Variants in DCK observed in about 807,000 individuals in gnomAD.
The protein encoded by DCK is deoxyadenosine kinase.
A neutral mutation model predicts 38.3 loss-of-function variants in DCK; 23 were observed. The ratio of observed to expected loss-of-function variants is 0.60; its 90% CI spans 0.43 to 0.85. The LOEUF (loss-of-function observed/expected upper bound fraction) is 0.85. DCK is among the 40% of genes least tolerant of loss of function. The pLI, the probability that DCK is intolerant of heterozygous loss-of-function variation, is 0.00. For missense variants in DCK, 259 were observed against 304.4 expected (o/e 0.85, Z 1.11); for synonymous variants, 108 against 100.6 (o/e 1.07, Z -0.44).
At chr4:70,994,316 C>T (rs1739609913) in intron 1 of DCK, among the ~76,000 whole-genome samples, 2 of 152,230 alleles carry the variant, frequency 1.3e-5, no homozygotes, top group Non-Finnish European at 2.9e-5. Flanking sequence ...CTTTTGCTAT[C>T]ACCATGATCG....
At chr4:70,997,568 A>G (rs964022326) in intron 1 of DCK, among the ~76,000 whole-genome samples, 2 of 152,140 alleles carry the variant, frequency 1.3e-5, no homozygotes, top group African/African-American at 4.8e-5. Flanking sequence ...CTAATGTCCT[A>G]GATTTAAATA....
chr4:70,999,649 G>A (rs2148912158), intron 2 of DCK, among the ~76,000 whole-genome samples: 1 of 152,328 alleles, frequency 6.6e-6, no homozygotes, highest in East Asian at 1.9e-4. Flanking sequence ...CAGTGTAAAA[G>A]CATTCCTATT....
intron 2 of DCK, among the ~76,000 whole-genome samples, chr4:71,014,266 A>C (rs1740192826): frequency 6.6e-6 from 1 of 152,220 alleles, no homozygotes; most frequent in Non-Finnish European, 1.5e-5. Context: ...CAGATTCATA[A>C]AGCAAGTCCT....
intron 2 of DCK, among the ~76,000 whole-genome samples, chr4:71,013,294 G>A (rs1740151805): frequency 6.6e-6 from 1 of 152,218 alleles, no homozygotes; most frequent in African/African-American, 2.4e-5. Flanking sequence ...TGGTGTACCT[G>A]AAAGTGATGG....
rs191378652 is a variant in DCK, at chr4:71,013,201, T to A, written c.208-9166T>A. On this transcript the variant is annotated intron_variant, in intron 2 of 6. Coordinates refer to ENST00000286648, the MANE Select transcript of DCK (RefSeq NM_000788.3). ...GAATGAAATGAAGTGAGAAGAGAAG[T>A]TTAGAGAAAAAAGAGTAAAAAGAAA... 4.9e-3 allele frequency among the ~76,000 whole-genome samples: 741 copies of A among 151,858 alleles called. 11 individuals are homozygous for A. Among genetic ancestry groups the A allele is most frequent in the African/African-American group, 0.017 (715 of 41,368 alleles).
intron 3 of DCK, 35 bp from the exon 4 acceptor site, chr4:71,023,524 A>C: frequency 7.5e-7 from 1 of 1,325,156 alleles, no homozygotes; most frequent in South Asian, 1.5e-5. Flanking sequence ...TTTTTTTTTG[A>C]AATGATACAT....
intron 3 of DCK, 152 bp downstream of exon 3, chr4:71,022,712 C>T (rs372877214): frequency 1.1e-5 from 5 of 450,602 alleles, no homozygotes; most frequent in African/African-American, 1.0e-4. Context: ...CCTCAGCAGT[C>T]TGGTACTAAT....
At chr4:71,006,133 C>CAAAAAAAAAAAAAAAAAAAACCAA (rs67497388) in intron 2 of DCK, among the ~76,000 whole-genome samples, 1 of 104,338 alleles carries the variant, frequency 9.6e-6, no homozygotes, top group African/African-American at 3.6e-5. Context: ...ACAAAAACAC[C>CAAAAAAAAAAAAAAAAAAAACCAA]AAAAAAAAAA....
chr4:70,997,376 A>T (rs918335187), intron 1 of DCK, among the ~76,000 whole-genome samples: 4 of 152,116 alleles, frequency 2.6e-5, no homozygotes, highest in African/African-American at 9.7e-5. Context: ...CCATGATTAA[A>T]TCTCACTGTT....
In DCK at chr4:71,029,438, G is replaced by GT. The variant is rs1475980215; in HGVS notation, c.*61dup. On this transcript the variant is annotated 3_prime_UTR_variant, in exon 7 of 7. Transcript: ENST00000286648. ...AGATACTTCAGCTTTGTGTATCTTC[G>GT]TAACTTCATATTAATATAAGTTTCT... 1 of 1,231,530 alleles carries GT rather than the reference G, an allele frequency of 8.1e-7. No homozygotes were observed. The highest frequency in any genetic ancestry group is 1.7e-5 in the Admixed American group (1 of 57,170). The allele number at this position is 1,231,530 out of a possible 1,614,324, so 76.3% of individuals were successfully genotyped here.
At chr4:71,022,032 A>G (rs959505133) in intron 2 of DCK, among the ~76,000 whole-genome samples, 1 of 152,198 alleles carries the variant, frequency 6.6e-6, no homozygotes, top group Non-Finnish European at 1.5e-5. Flanking sequence ...TGTAAATCCA[A>G]ATATTTTATG....
intron 2 of DCK, among the ~76,000 whole-genome samples, chr4:71,006,827 G>A (rs765050316): frequency 2.6e-5 from 4 of 151,958 alleles, no homozygotes; most frequent in Non-Finnish European, 5.9e-5. Context: ...GAAATTGAAA[G>A]CAGTAAGGCA....
chr4:71,014,771 G>C (rs1740211376), intron 2 of DCK, among the ~76,000 whole-genome samples: 1 of 152,182 alleles, frequency 6.6e-6, no homozygotes, highest in African/African-American at 2.4e-5. Flanking sequence ...ATTTAAAGCA[G>C]TGTGTAGAGG....
intron 2 of DCK, among the ~76,000 whole-genome samples, chr4:71,021,871 A>G (rs1740431734): frequency 6.6e-6 from 1 of 152,182 alleles, no homozygotes; most frequent in Non-Finnish European, 1.5e-5. Context: ...GCATGGTGGC[A>G]CGCGCCTGTA....
chr4:71,019,307 TG>T (rs1171383168), intron 2 of DCK, among the ~76,000 whole-genome samples: 2 of 152,220 alleles, frequency 1.3e-5, no homozygotes, highest in Non-Finnish European at 2.9e-5. Flanking sequence ...TAGTAAACTT[TG>T]AAATTGCTTT....
At chr4:71,002,865 A>G (rs1391499986) in intron 2 of DCK, among the ~76,000 whole-genome samples, 1 of 151,902 alleles carries the variant, frequency 6.6e-6, no homozygotes, top group Non-Finnish European at 1.5e-5. Context: ...TGCATGTGAG[A>G]TGCGACTCCT....
intron 2 of DCK, among the ~76,000 whole-genome samples, chr4:71,022,008 G>GA (rs763043821): frequency 3.3e-5 from 5 of 151,106 alleles, no homozygotes; most frequent in Admixed American, 6.6e-5. Context: ...TCTCAAAAAA[G>GA]AAAAAAAAGA....
At chr4:71,005,786 G>A (rs891456225) in intron 2 of DCK, among the ~76,000 whole-genome samples, 2 of 151,954 alleles carry the variant, frequency 1.3e-5, no homozygotes. Flanking sequence ...ACAGGCCTGA[G>A]CCACTATGCC....
rs1400279408 is a variant in DCK, at chr4:71,004,790, A to G, written c.207+6608A>G. On this transcript the variant is annotated intron_variant, in intron 2 of 6. Transcript: ENST00000286648. ...AAAACCACCTACTGAAGTCTCAGTA[A>G]TGGCGGGCACCCCTCCCCCCACCAA... Among the ~76,000 whole-genome samples the G allele has an allele frequency of 3.3e-5, 5 of 152,280 alleles. 1 individual carries two copies. Among genetic ancestry groups the G allele is most frequent in the South Asian group, 4.1e-4 (2 of 4,832 alleles).
Sources: allele counts gnomAD v4.1 joint callset (sites outside exome capture counted in the v4.1 genomes callset), GRCh38; gene constraint gnomAD v4.1.1; transcripts MANE v1.5; gene names NCBI Gene and HGNC (gene_info 2026-07-23, HGNC 2026-07-21).